Variants in DIP2B observed in about 807,000 individuals in gnomAD.
DIP2B encodes disco-interacting protein 2 homolog B.
A neutral mutation model predicts 198.0 loss-of-function variants in DIP2B; 76 were observed. The ratio of observed to expected loss-of-function variants is 0.38; its 90% CI spans 0.32 to 0.46. The LOEUF is 0.46. Among genes scored for constraint, DIP2B ranks in the 20% least tolerant of loss-of-function variants. DIP2B has a pLI of 0.99. For synonymous variants in DIP2B, 701 were observed against 739.1 expected (o/e 0.95, Z 0.84); for missense variants, 1,559 against 1,978.4 (o/e 0.79, Z 4.02).
chr12:50,541,912 G>A (rs1958329380), intron 1 of DIP2B, among the ~76,000 whole-genome samples: 1 of 152,008 alleles, frequency 6.6e-6, no homozygotes, highest in Non-Finnish European at 1.5e-5. Context: ...TGAGGCACGA[G>A]AATTGCTTGA....
chr12:50,623,437 A>ACTCT (rs142536204), intron 1 of DIP2B, among the ~76,000 whole-genome samples: 18 of 57,158 alleles, frequency 3.1e-4, no homozygotes, highest in African/African-American at 1.0e-3. Context: ...ACACACACAC[A>ACTCT]CTCTCTCTCT....
chr12:50,674,751 T>C (rs911209781), intron 6 of DIP2B, 122 bp downstream of exon 6: 3 of 1,202,426 alleles, frequency 2.5e-6, no homozygotes, highest in Non-Finnish European at 3.5e-6. Flanking sequence ...GGCCCACTAA[T>C]AACTAATCCT....
intron 1 of DIP2B, among the ~76,000 whole-genome samples, chr12:50,556,994 G>A (rs1262663623): frequency 6.6e-6 from 1 of 152,150 alleles, no homozygotes; most frequent in South Asian, 2.1e-4. Flanking sequence ...ACAGGCATGA[G>A]TCACCGCGCC....
chr12:50,540,547 CTTT>C (rs55910419), intron 1 of DIP2B, among the ~76,000 whole-genome samples: 2 of 128,390 alleles, frequency 1.6e-5, no homozygotes, highest in Admixed American at 8.1e-5. Flanking sequence ...TAAAAAAATT[CTTT>C]TTTTTTTTTT....
Position 50,741,496 on chromosome 12 carries a change from AT to A in DIP2B, c.4437del (p.Ile1479MetfsTer38). 6.2e-7 allele frequency: 1 copy of A among 1,614,162 alleles called. No individual in the cohort carries two copies. Among genetic ancestry groups the A allele is most frequent in the Non-Finnish European group, 8.5e-7 (1 of 1,180,014 alleles). On this transcript the variant is annotated frameshift_variant, in exon 37 of 38. Transcript: ENST00000301180. LOFTEE classifies it high-confidence loss of function. ...AGGATTACGATACCACCCAATTGAT[AT>A]TGAGACCTCGGTGTCCCGGATCCAC... Reference protein sequence around the residue: ...LRGLRYHPIDIETSVSRIHRS... With the variant: ...LRGLRYHPIDXETSVSRIHRS...
chr12:50,602,914 C>T (rs1415069773), intron 1 of DIP2B, among the ~76,000 whole-genome samples: 1 of 147,522 alleles, frequency 6.8e-6, no homozygotes, highest in Non-Finnish European at 1.5e-5. Flanking sequence ...CCTGTAATCC[C>T]AGCACTTTGG....
intron 1 of DIP2B, among the ~76,000 whole-genome samples, chr12:50,508,826 CT>C (rs1957990281): frequency 6.6e-6 from 1 of 152,030 alleles, no homozygotes; most frequent in South Asian, 2.1e-4. Flanking sequence ...CTGCCTCAGC[CT>C]TTCTGAGTAG....
chr12:50,598,475 A>C (rs973470612), intron 1 of DIP2B, among the ~76,000 whole-genome samples: 2 of 150,828 alleles, frequency 1.3e-5, no homozygotes, highest in African/African-American at 4.9e-5. Context: ...GGAACATATT[A>C]TTTTACCTGG....
chr12:50,579,811 T>C (rs1409248033), intron 1 of DIP2B, among the ~76,000 whole-genome samples: 1 of 150,312 alleles, frequency 6.7e-6, no homozygotes, highest in Non-Finnish European at 1.5e-5. Flanking sequence ...TAAAGTCATT[T>C]CTGACTCAAC....
chr12:50,648,585 G>A (rs756478015), intron 3 of DIP2B, among the ~76,000 whole-genome samples: 2 of 151,180 alleles, frequency 1.3e-5, no homozygotes, highest in Non-Finnish European at 2.9e-5. Context: ...GGATGGTCTC[G>A]ATCTCCTGGC....
intron 1 of DIP2B, among the ~76,000 whole-genome samples, chr12:50,603,294 G>A (rs1958954378): frequency 6.6e-6 from 1 of 152,158 alleles, no homozygotes; most frequent in African/African-American, 2.4e-5. Context: ...ATATAGTGTT[G>A]CCTGTACTGT....
At chr12:50,589,890 C>T (rs73119140) in intron 1 of DIP2B, among the ~76,000 whole-genome samples, 1 of 152,190 alleles carries the variant, frequency 6.6e-6, no homozygotes, top group Non-Finnish European at 1.5e-5. Context: ...GATTAATTAT[C>T]TTCCAAGATC....
intron 23 of DIP2B, among the ~76,000 whole-genome samples, chr12:50,718,024 C>G (rs1160269441): frequency 3.3e-5 from 5 of 151,728 alleles, no homozygotes; most frequent in Admixed American, 6.6e-5. Context: ...CTCAGCCTCC[C>G]GAGTAGCTGG....
At chr12:50,547,048 G>A (rs1409651819) in intron 1 of DIP2B, among the ~76,000 whole-genome samples, 2 of 151,918 alleles carry the variant, frequency 1.3e-5, no homozygotes, top group East Asian at 1.9e-4. Context: ...TTTGACCTTC[G>A]TGGTACTATT....
intron 1 of DIP2B, among the ~76,000 whole-genome samples, chr12:50,571,602 G>T (rs1461654251): frequency 7.3e-6 from 1 of 137,230 alleles, no homozygotes; most frequent in Non-Finnish European, 1.5e-5. Context: ...ACCTAGGCTG[G>T]AGTGCAATGG....
chr12:50,562,400 A>T (rs1417428393), intron 1 of DIP2B, among the ~76,000 whole-genome samples: 3 of 152,042 alleles, frequency 2.0e-5, no homozygotes, highest in Non-Finnish European at 4.4e-5. Flanking sequence ...CAGCAATGCC[A>T]TTTATATATT....
At chr12:50,549,226 T>C (rs1016285948) in intron 1 of DIP2B, among the ~76,000 whole-genome samples, 4 of 150,250 alleles carry the variant, frequency 2.7e-5, no homozygotes, top group African/African-American at 9.8e-5. Context: ...CCCAGCACTT[T>C]GGGAGGCCGA....
intron 3 of DIP2B, among the ~76,000 whole-genome samples, chr12:50,652,806 G>C (rs149454807): frequency 1.1e-4 from 17 of 152,182 alleles, no homozygotes; most frequent in African/African-American, 2.2e-4. Flanking sequence ...ATGTTTTACA[G>C]TTTTTAATGT....
At chr12:50,584,866 A>G (rs1958757135) in intron 1 of DIP2B, among the ~76,000 whole-genome samples, 1 of 152,136 alleles carries the variant, frequency 6.6e-6, no homozygotes, top group Admixed American at 6.6e-5. Flanking sequence ...GCCTGGCCAA[A>G]AATGTTTAAC....
Sources: gnomAD v4.1 joint callset for allele counts (sites outside exome capture counted in the v4.1 genomes callset) on GRCh38, gnomAD v4.1.1 for gene constraint, MANE v1.5 for transcripts, NCBI Gene and HGNC (gene_info 2026-07-23, HGNC 2026-07-21) for gene names.